Variants in GRIN2A observed in about 807,000 individuals in gnomAD.
GRIN2A encodes glutamate receptor ionotropic, NMDA 2A.
A neutral mutation model predicts 113.4 loss-of-function variants in GRIN2A; 22 were observed. The observed-to-expected ratio is 0.19, with a 90% confidence interval of 0.14 to 0.28. The LOEUF is 0.28. Ranked by LOEUF, GRIN2A falls within the 10% of genes least tolerant of loss-of-function variation. GRIN2A has a pLI of 1.00. For synonymous variants in GRIN2A, 827 were observed against 738.4 expected (o/e 1.12, Z -1.94); for missense variants, 1,502 against 1,887.0 (o/e 0.80, Z 3.78).
At chr16:10,050,932 A>T (rs1247284396) in intron 2 of GRIN2A, among the ~76,000 whole-genome samples, 3 of 152,222 alleles carry the variant, frequency 2.0e-5, no homozygotes, top group Non-Finnish European at 4.4e-5. Flanking sequence ...TATAATAAAT[A>T]TGTGCCACTT....
intron 3 of GRIN2A, among the ~76,000 whole-genome samples, chr16:9,893,214 A>C (rs1443887384): frequency 6.6e-6 from 1 of 152,240 alleles, no homozygotes; most frequent in Non-Finnish European, 1.5e-5. Context: ...GAAAATGCTT[A>C]CTATTTAATG....
chr16:9,939,027 A>G (rs1455207095), intron 2 of GRIN2A, among the ~76,000 whole-genome samples: 1 of 152,182 alleles, frequency 6.6e-6, no homozygotes, highest in Non-Finnish European at 1.5e-5. Context: ...CAAGCCAGTG[A>G]GTTTCTATGT....
chr16:10,170,081 C>T (rs1402046066), intron 2 of GRIN2A, among the ~76,000 whole-genome samples: 2 of 152,132 alleles, frequency 1.3e-5, no homozygotes, highest in Non-Finnish European at 2.9e-5. Context: ...AGAGTGGGGA[C>T]AGCTGTAGTG....
In GRIN2A at chr16:9,764,963, C is replaced by CA; in HGVS notation, c.2596-16dup. On this transcript the variant is annotated splice_polypyrimidine_tract_variant and intron_variant, in intron 12 of 12. Transcript: ENST00000330684. ...CTGTAGATGCCCTGTAGGGGAGCAA[C>CA]ATAAAGCACTGTCAGCAGCAGCAGC... 6.2e-7 allele frequency: 1 copy of CA among 1,613,920 alleles called. No homozygotes were observed. The highest frequency in any genetic ancestry group is 8.5e-7 in the Non-Finnish European group (1 of 1,180,000).
chr16:10,009,229 A>G (rs910273406), intron 2 of GRIN2A, among the ~76,000 whole-genome samples: 1 of 152,234 alleles, frequency 6.6e-6, no homozygotes, highest in Non-Finnish European at 1.5e-5. Context: ...CTTAGAAGAA[A>G]AAATACTTGC....
intron 2 of GRIN2A, among the ~76,000 whole-genome samples, chr16:10,094,084 C>T (rs146419077): frequency 8.9e-4 from 135 of 152,234 alleles, no homozygotes; most frequent in Admixed American, 1.5e-3. Context: ...TAATCTGAGG[C>T]CCCAAGGTTT....
At chr16:10,097,371 A>G (rs1019339411) in intron 2 of GRIN2A, among the ~76,000 whole-genome samples, 4 of 152,176 alleles carry the variant, frequency 2.6e-5, no homozygotes, top group African/African-American at 9.7e-5. Flanking sequence ...GAGAATGAGG[A>G]CCCGGGCTTC....
At chr16:9,864,751 C>T (rs148645725) in intron 4 of GRIN2A, among the ~76,000 whole-genome samples, 28 of 152,268 alleles carry the variant, frequency 1.8e-4, no homozygotes, top group East Asian at 7.7e-4. Flanking sequence ...TCATCCCCCT[C>T]GCCTGTGAAA....
At chr16:10,020,750 C>T (rs1274569819) in intron 2 of GRIN2A, among the ~76,000 whole-genome samples, 1 of 152,170 alleles carries the variant, frequency 6.6e-6, no homozygotes, top group Non-Finnish European at 1.5e-5. Context: ...AAGCATAGTG[C>T]TTGGCCCATG....
chr16:9,779,532 G>A (rs1901816782), intron 11 of GRIN2A, among the ~76,000 whole-genome samples: 1 of 152,102 alleles, frequency 6.6e-6, no homozygotes, highest in South Asian at 2.1e-4. Context: ...AAGAAAAGAG[G>A]ACAGGGAAGA....
At chr16:10,042,210 A>G (rs945084347) in intron 2 of GRIN2A, among the ~76,000 whole-genome samples, 3 of 152,260 alleles carry the variant, frequency 2.0e-5, no homozygotes, top group African/African-American at 7.2e-5. Flanking sequence ...TCAAAAGGTA[A>G]AGCTTAATCC....
intron 11 of GRIN2A, among the ~76,000 whole-genome samples, chr16:9,772,832 A>C (rs973322515): frequency 6.6e-6 from 1 of 150,904 alleles, no homozygotes; most frequent in Non-Finnish European, 1.5e-5. Context: ...GATTCTTTTC[A>C]GGATGTAAAT....
chr16:10,108,457 T>A (rs556895012), intron 2 of GRIN2A, among the ~76,000 whole-genome samples: 1 of 152,234 alleles, frequency 6.6e-6, no homozygotes, highest in South Asian at 2.1e-4. Context: ...CCAAACCATA[T>A]CATTGGGTCT....
intron 2 of GRIN2A, among the ~76,000 whole-genome samples, chr16:9,974,571 G>C (rs1277586865): frequency 6.6e-6 from 1 of 152,136 alleles, no homozygotes; most frequent in African/African-American, 2.4e-5. Context: ...CAGGAGTCTT[G>C]CCGATGCTCG....
intron 2 of GRIN2A, among the ~76,000 whole-genome samples, chr16:10,028,780 C>T (rs2046870298): frequency 1.3e-5 from 2 of 152,280 alleles, no homozygotes; most frequent in South Asian, 4.2e-4. Context: ...CTCACAATGG[C>T]TCAACTCTGT....
At chr16:9,926,519 G>C (rs1233135830) in intron 3 of GRIN2A, among the ~76,000 whole-genome samples, 1 of 152,160 alleles carries the variant, frequency 6.6e-6, no homozygotes, top group Non-Finnish European at 1.5e-5. Flanking sequence ...TGCTAACTCA[G>C]GTATGAAGAT....
intron 4 of GRIN2A, among the ~76,000 whole-genome samples, chr16:9,877,142 A>T (rs913428071): frequency 6.6e-6 from 1 of 152,356 alleles, no homozygotes; most frequent in Admixed American, 6.5e-5. Context: ...TTTAAAAATC[A>T]TAGAACATCT....
At chr16:10,181,292 C>G (rs1018840145) in intron 1 of GRIN2A, among the ~76,000 whole-genome samples, 2 of 152,230 alleles carry the variant, frequency 1.3e-5, no homozygotes, top group African/African-American at 2.4e-5. Context: ...AGGCGCGTCC[C>G]CCCGCGGGCC....
intron 10 of GRIN2A, among the ~76,000 whole-genome samples, chr16:9,820,651 A>C (rs2042264341): frequency 6.6e-6 from 1 of 152,184 alleles, no homozygotes; most frequent in East Asian, 1.9e-4. Flanking sequence ...AAAAAAGAAA[A>C]GAGTGTGGCT....
Sources: allele counts gnomAD v4.1 joint callset (sites outside exome capture counted in the v4.1 genomes callset), GRCh38; gene constraint gnomAD v4.1.1; transcripts MANE v1.5; gene names NCBI Gene and HGNC (gene_info 2026-07-23, HGNC 2026-07-21).